KCNQ3: variants seen among roughly 807,000 people sequenced by gnomAD.
KCNQ3 encodes the protein potassium voltage-gated channel subfamily KQT member 3.
Under a neutral mutation model 92.5 loss-of-function variants are expected in KCNQ3, and 30 were observed. That is an observed-to-expected ratio of 0.32 (90% confidence interval 0.24 to 0.44). The LOEUF is 0.44. Ranked by LOEUF, KCNQ3 falls within the 20% of genes least tolerant of loss-of-function variation. KCNQ3 has a pLI of 1.00. For synonymous variants in KCNQ3, 450 were observed against 468.8 expected (o/e 0.96, Z 0.52); for missense variants, 913 against 1,140.3 (o/e 0.80, Z 2.87).
chr8:132,191,895 T>C (rs1827173411), intron 1 of KCNQ3, among the ~76,000 whole-genome samples: 1 of 151,884 alleles, frequency 6.6e-6, no homozygotes, highest in Non-Finnish European at 1.5e-5. Flanking sequence ...GGGAAGAAAG[T>C]GGATAATGTG....
At chr8:132,292,712 C>T (rs1816893290) in intron 1 of KCNQ3, among the ~76,000 whole-genome samples, 1 of 152,128 alleles carries the variant, frequency 6.6e-6, no homozygotes, top group Non-Finnish European at 1.5e-5. Flanking sequence ...ATCCATGGTT[C>T]CTGGCTCCTA....
Position 132,125,135 on chromosome 8 carries a change from C to G in KCNQ3, c.*4127G>C, listed in dbSNP as rs1301544312. On this transcript the variant is annotated 3_prime_UTR_variant, in exon 15 of 15. Transcript: ENST00000388996. ...ACAAGAAGAAAGCTGGTTTCTCCAA[C>G]AATCTTCCTCAGATTCCCTAGAATC... The G allele has an allele frequency of 6.6e-6, 1 of 152,186 alleles. No homozygotes were observed. The highest frequency in any genetic ancestry group is 2.4e-5 in the African/African-American group (1 of 41,444). 9.4% of individuals were successfully genotyped at this position (152,186 alleles called of 1,614,324 possible). A position where few individuals can be genotyped will look rare whatever the true frequency, so the allele number is the denominator to read the frequency against.
chr8:132,124,204 A>G lies in KCNQ3; in HGVS notation c.*5058T>C, dbSNP rs1354335212. ...CATTTTTATTTGCAGAGATGTACTT[A>G]TTTAAAAAGCAATTGTGAAAGCATT... On this transcript the variant is annotated 3_prime_UTR_variant, in exon 15 of 15. Transcript: ENST00000388996. 6.6e-6 allele frequency: 1 copy of G among 152,214 alleles called. No homozygotes were observed. The highest frequency in any genetic ancestry group is 2.4e-5 in the African/African-American group (1 of 41,468). 9.4% of individuals were successfully genotyped at this position (152,214 alleles called of 1,614,324 possible).
chr8:132,251,496 T>C (rs2130441652), intron 1 of KCNQ3, among the ~76,000 whole-genome samples: 1 of 152,330 alleles, frequency 6.6e-6, no homozygotes, highest in Admixed American at 6.5e-5. Context: ...TACTGAGCAA[T>C]GGGATGCTTT....
At chr8:132,397,993 T>C (rs1177038702) in intron 1 of KCNQ3, among the ~76,000 whole-genome samples, 3 of 152,232 alleles carry the variant, frequency 2.0e-5, no homozygotes, top group Non-Finnish European at 4.4e-5. Context: ...TGCAAAAGCA[T>C]ACACCTTTCT....
intron 1 of KCNQ3, among the ~76,000 whole-genome samples, chr8:132,232,247 A>C (rs1272416069): frequency 6.6e-6 from 1 of 152,194 alleles, no homozygotes; most frequent in East Asian, 1.9e-4. Context: ...TTTAATGGGC[A>C]CATAGATCAC....
chr8:132,451,626 C>T (rs954578130), intron 1 of KCNQ3, among the ~76,000 whole-genome samples: 6 of 152,194 alleles, frequency 3.9e-5, no homozygotes, highest in Non-Finnish European at 8.8e-5. Flanking sequence ...ATGCAATAAA[C>T]AGAAATGTAG....
chr8:132,351,897 C>G (rs1818878819), intron 1 of KCNQ3, among the ~76,000 whole-genome samples: 1 of 152,134 alleles, frequency 6.6e-6, no homozygotes, highest in African/African-American at 2.4e-5. Flanking sequence ...CTTCTGCTCT[C>G]TAAGACTCAG....
At chr8:132,424,197 T>G (rs1821047561) in intron 1 of KCNQ3, among the ~76,000 whole-genome samples, 1 of 150,720 alleles carries the variant, frequency 6.6e-6, no homozygotes, top group African/African-American at 2.4e-5. Context: ...CTGCTGCCTC[T>G]GAGGGGCGCA....
intron 1 of KCNQ3, chr8:132,278,011 G>T: frequency 4.1e-6 from 4 of 985,254 alleles, no homozygotes; most frequent in Non-Finnish European, 4.8e-6. Flanking sequence ...TCTGTGATAG[G>T]CAGGAATTCA....
chr8:132,224,226 G>A (rs1325978862), intron 1 of KCNQ3, among the ~76,000 whole-genome samples: 2 of 150,958 alleles, frequency 1.3e-5, no homozygotes, highest in Admixed American at 1.3e-4. Flanking sequence ...GTGAGCCTCT[G>A]CACCTGGTCA....
At position 132,127,436 on chromosome 8, in the gene KCNQ3, G is replaced by T. The variant is rs1428339974; in HGVS notation, c.*1826C>A. 1 of 152,190 alleles carries T rather than the reference G, an allele frequency of 6.6e-6. No individual in the cohort carries two copies. The highest frequency in any genetic ancestry group is 1.5e-5 in the Non-Finnish European group (1 of 68,046). The allele number at this position is 152,190 out of a possible 1,614,324, so 9.4% of individuals were successfully genotyped here. On this transcript the variant is annotated 3_prime_UTR_variant, in exon 15 of 15. Transcript: ENST00000388996. ...ATTCTGAGCTTTTTGTACAGTAACT[G>T]TTGACATGTGAGTTGAAAGGAACCT...
At chr8:132,190,738 G>A (rs535841637) in intron 1 of KCNQ3, among the ~76,000 whole-genome samples, 1 of 152,228 alleles carries the variant, frequency 6.6e-6, no homozygotes, top group Non-Finnish European at 1.5e-5. Flanking sequence ...TGAAAACTGA[G>A]ATTAAAAAAT....
intron 1 of KCNQ3, among the ~76,000 whole-genome samples, chr8:132,418,018 G>A (rs770538046): frequency 7.3e-5 from 11 of 151,418 alleles, no homozygotes; most frequent in Non-Finnish European, 1.6e-4. Context: ...TCTCCACCGA[G>A]CCACACCCCC....
intron 1 of KCNQ3, among the ~76,000 whole-genome samples, chr8:132,381,679 A>G (rs1819754275): frequency 1.3e-5 from 2 of 152,236 alleles, no homozygotes; most frequent in Admixed American, 1.3e-4. Context: ...ATCAGTGAAC[A>G]AAAGAAGTGT....
intron 1 of KCNQ3, among the ~76,000 whole-genome samples, chr8:132,383,445 A>G (rs1819806841): frequency 6.6e-6 from 1 of 152,186 alleles, no homozygotes. Flanking sequence ...AGCAGAGGTC[A>G]GAGAAAGCCT....
intron 1 of KCNQ3, among the ~76,000 whole-genome samples, chr8:132,393,300 A>C (rs1366567074): frequency 2.0e-5 from 3 of 152,220 alleles, no homozygotes; most frequent in Non-Finnish European, 4.4e-5. Context: ...GTTGGTGTTC[A>C]TGGCTCTATC....
intron 9 of KCNQ3, among the ~76,000 whole-genome samples, chr8:132,155,927 G>A (rs778103604): frequency 6.6e-6 from 1 of 152,116 alleles, no homozygotes; most frequent in Non-Finnish European, 1.5e-5. Flanking sequence ...ACTCTGATGT[G>A]TTAATTGGGT....
At chr8:132,186,728 T>C (rs889737704) in intron 1 of KCNQ3, among the ~76,000 whole-genome samples, 2 of 152,134 alleles carry the variant, frequency 1.3e-5, no homozygotes, top group Admixed American at 6.6e-5. Flanking sequence ...CCTCTTTCAA[T>C]TGGGGATCTT....
Sources: allele counts gnomAD v4.1 joint callset (sites outside exome capture counted in the v4.1 genomes callset), GRCh38; gene constraint gnomAD v4.1.1; transcripts MANE v1.5; gene names NCBI Gene and HGNC (gene_info 2026-07-23, HGNC 2026-07-21).